CFAP47: variants seen among roughly 807,000 people sequenced by gnomAD.
CFAP47 encodes the protein cilia- and flagella-associated protein 47.
Under a neutral mutation model 148.1 loss-of-function variants are expected in CFAP47, and 29 were observed. The observed-to-expected ratio is 0.20, with a 90% CI of 0.15 to 0.27. The LOEUF is 0.27. Among genes scored for constraint, CFAP47 ranks in the 10% least tolerant of loss-of-function variants. The pLI, the probability that CFAP47 is intolerant of heterozygous loss-of-function variation, is 1.00. For synonymous variants in CFAP47, 664 were observed against 577.3 expected, an observed-to-expected ratio of 1.15 and a Z score of -2.15; for missense variants, 1,872 against 1,697.5, an observed-to-expected ratio of 1.10 and a Z score of -1.81.
chrX:35,925,375 A>C (rs1935721940), intron 1 of CFAP47, among the ~76,000 whole-genome samples: 2 of 101,739 alleles, frequency 2.0e-5, no homozygotes, highest in Non-Finnish European at 3.9e-5. Context: ...ACTCCATCTC[A>C]AAAAAAAAAT....
At chrX:36,160,432 A>G (rs1034763541) in intron 38 of CFAP47, among the ~76,000 whole-genome samples, 4 of 111,464 alleles carry the variant, frequency 3.6e-5, no homozygotes, top group African/African-American at 1.3e-4. Context: ...ATCTTCCCCT[A>G]TATGGTCTTA....
At chrX:36,084,321 T>C (rs1361237587) in intron 29 of CFAP47, among the ~76,000 whole-genome samples, 3 of 111,720 alleles carry the variant, frequency 2.7e-5, no homozygotes, top group Non-Finnish European at 3.8e-5. Flanking sequence ...CCATAAAATA[T>C]TTGTTTCTTT....
chrX:36,140,281 C>T (rs1369659662), intron 35 of CFAP47, among the ~76,000 whole-genome samples: 1 of 111,386 alleles, frequency 9.0e-6, no homozygotes, highest in African/African-American at 3.3e-5. Context: ...GGAAAATTTG[C>T]ACAGAACACT....
chrX:36,377,015 G>A (rs782298268), intron 62 of CFAP47, among the ~76,000 whole-genome samples: 1 of 111,086 alleles, frequency 9.0e-6, no homozygotes, highest in Admixed American at 9.6e-5. Flanking sequence ...TCTTAATCCA[G>A]TCTATCATTG....
At chrX:36,115,230 C>T (rs11095423) in intron 33 of CFAP47, among the ~76,000 whole-genome samples, 10,684 of 110,881 alleles carry the variant, frequency 0.096, 1,020 homozygotes, top group African/African-American at 0.29. Flanking sequence ...TTCTCTCTCC[C>T]ATAGTAATTT....
At chrX:36,194,306 C>T (rs782526904) in intron 42 of CFAP47, among the ~76,000 whole-genome samples, 77 of 111,125 alleles carry the variant, frequency 6.9e-4, no homozygotes, top group South Asian at 4.2e-3. Context: ...CACTGGTCAG[C>T]GCTTGGTCCC....
chrX:35,999,892 T>C (rs1936894015), intron 19 of CFAP47, among the ~76,000 whole-genome samples: 1 of 112,025 alleles, frequency 8.9e-6, no homozygotes, highest in African/African-American at 3.2e-5. Flanking sequence ...AGCTTGGACA[T>C]GGTCCTGTAG....
At chrX:36,345,448 T>A (rs1350037129) in intron 57 of CFAP47, among the ~76,000 whole-genome samples, 1 of 111,015 alleles carries the variant, frequency 9.0e-6, no homozygotes, top group African/African-American at 3.3e-5. Context: ...AGGTCTCGCT[T>A]ATGAGAATCT....
At chrX:35,973,573 A>C (rs763204388) in intron 13 of CFAP47, among the ~76,000 whole-genome samples, 1 of 111,110 alleles carries the variant, frequency 9.0e-6, no homozygotes, top group African/African-American at 3.3e-5. Flanking sequence ...CATAATGTAG[A>C]TATGCCTGCA....
chrX:36,142,164 A>G (rs1377498032), intron 35 of CFAP47, among the ~76,000 whole-genome samples: 1 of 111,747 alleles, frequency 8.9e-6, no homozygotes, highest in Non-Finnish European at 1.9e-5. Context: ...TTGGCGTCTT[A>G]TTTGAAAGTT....
chrX:36,045,865 G>A (rs1937458664), intron 25 of CFAP47, among the ~76,000 whole-genome samples: 1 of 111,352 alleles, frequency 9.0e-6, no homozygotes, highest in African/African-American at 3.3e-5. Flanking sequence ...TGCTAAATAT[G>A]GTATAATGAA....
chrX:36,046,839 T>C lies in CFAP47; in HGVS notation c.4008-15T>C. 9.2e-7 allele frequency: 1 copy of C among 1,087,099 alleles called. No homozygotes were observed. Among genetic ancestry groups the C allele is most frequent in the Non-Finnish European group, 1.2e-6 (1 of 817,597 alleles). 89.6% of individuals were successfully genotyped at this position (1,087,099 alleles called of 1,213,427 possible). On this transcript the variant is annotated splice_polypyrimidine_tract_variant and intron_variant, in intron 25 of 63. Coordinates refer to ENST00000378653, the MANE Select transcript of CFAP47 (RefSeq NM_001304548.2). ...GTATTTTGAGCTAATGAAACATTTT[T>C]TTTATTTTAAACAGAAATTCAACTC...
intron 1 of CFAP47, among the ~76,000 whole-genome samples, chrX:35,924,722 T>G: frequency 9.0e-6 from 1 of 110,920 alleles, no homozygotes; most frequent in Non-Finnish European, 1.9e-5. Context: ...ATAAGTATCT[T>G]ATATTTTTAA....
intron 29 of CFAP47, among the ~76,000 whole-genome samples, chrX:36,080,700 T>C (rs1937960801): frequency 9.0e-6 from 1 of 111,194 alleles, no homozygotes; most frequent in South Asian, 3.8e-4. Context: ...AAACACCGCA[T>C]GTTCTCACTC....
intron 26 of CFAP47, among the ~76,000 whole-genome samples, chrX:36,055,008 A>G (rs1463677465): frequency 2.8e-5 from 3 of 109,006 alleles, no homozygotes; most frequent in Non-Finnish European, 5.7e-5. Flanking sequence ...TCCTGACCTC[A>G]TGATCCACCC....
At chrX:36,232,623 G>T (rs1602058858) in intron 46 of CFAP47, among the ~76,000 whole-genome samples, 1 of 111,109 alleles carries the variant, frequency 9.0e-6, no homozygotes, top group South Asian at 3.8e-4. Flanking sequence ...CTTCAGTTCT[G>T]CTCTGATTTT....
At chrX:35,981,957 G>A (rs140074766) in intron 15 of CFAP47, among the ~76,000 whole-genome samples, 1,145 of 111,553 alleles carry the variant, frequency 0.01, 6 homozygotes, top group Non-Finnish European at 0.016. Flanking sequence ...TCATGTGTTT[G>A]CTATGGTTAA....
chrX:36,332,862 T>G (rs1470140750), intron 57 of CFAP47, among the ~76,000 whole-genome samples: 4 of 112,167 alleles, frequency 3.6e-5, no homozygotes. Flanking sequence ...CACATTAGTG[T>G]GTTATTAGTG....
Position 36,085,331 on chromosome X carries a change from A to C in CFAP47, c.4709A>C (p.Gln1570Pro), listed in dbSNP as rs1181093988. 4 of 1,193,172 alleles carry C rather than the reference A, an allele frequency of 3.4e-6. No homozygotes were observed. The highest frequency in any genetic ancestry group is 4.5e-6 in the Non-Finnish European group (4 of 879,986). ...TCTCATAGGGATGTATATAAAATGC[A>C]ATTCTACTCATCAACCTCGCCACCC... ...ETIRRDVYKM[Q>P]FYSSTSPPQK... The change falls in exon 30 of 64, where the codon CAA becomes CCA. Residue 1570 changes from glutamine to proline, a missense_variant. Physicochemically the swap from Gln to Pro is moderately conservative, Grantham distance 76. Coordinates refer to ENST00000378653, the MANE Select transcript of CFAP47 (RefSeq NM_001304548.2).
Sources: gnomAD v4.1 joint callset for allele counts (sites outside exome capture counted in the v4.1 genomes callset) on GRCh38, gnomAD v4.1.1 for gene constraint, MANE v1.5 for transcripts, NCBI Gene and HGNC (gene_info 2026-07-23, HGNC 2026-07-21) for gene names.